NLRP11: variants seen among roughly 807,000 people sequenced by gnomAD.
The protein encoded by NLRP11 is NACHT, LRR and PYD domains-containing protein 11.
In NLRP11, 53 loss-of-function variants were observed where a neutral mutation model predicts 79.3. The ratio of observed to expected loss-of-function variants is 0.67; its 90% CI spans 0.54 to 0.84. NLRP11 has a LOEUF of 0.84. Ranked by LOEUF, NLRP11 falls within the 40% of genes least tolerant of loss-of-function variation. NLRP11 has a pLI of 0.00. For synonymous variants in NLRP11, 518 were observed against 462.6 expected (o/e 1.12, Z -1.54); for missense variants, 1,264 against 1,255.0 (o/e 1.01, Z -0.11).
At chr19:55,830,097 G>A (rs1982602956) in intron 1 of NLRP11, among the ~76,000 whole-genome samples, 1 of 152,130 alleles carries the variant, frequency 6.6e-6, no homozygotes, top group African/African-American at 2.4e-5. Flanking sequence ...GCTCAAACCT[G>A]TATTGTTCAA....
intron 1 of NLRP11, among the ~76,000 whole-genome samples, chr19:55,827,111 C>T (rs1982310719): frequency 7.1e-6 from 1 of 141,020 alleles, no homozygotes; most frequent in Non-Finnish European, 1.5e-5. Context: ...AATAATGCCG[C>T]ATACCTACAA....
intron 2 of NLRP11, among the ~76,000 whole-genome samples, chr19:55,810,560 G>T (rs556005180): frequency 6.6e-6 from 1 of 152,262 alleles, no homozygotes; most frequent in South Asian, 2.1e-4. Flanking sequence ...GCAGTGGCAC[G>T]AACTGGGCTC....
chr19:55,805,208 G>A (rs1269800386), intron 4 of NLRP11, among the ~76,000 whole-genome samples: 2 of 152,166 alleles, frequency 1.3e-5, no homozygotes, highest in Non-Finnish European at 2.9e-5. Context: ...CAGGGCAACA[G>A]CTTTGGTCAT....
At chr19:55,799,437 T>G (rs1979258385) in intron 5 of NLRP11, among the ~76,000 whole-genome samples, 1 of 151,852 alleles carries the variant, frequency 6.6e-6, no homozygotes, top group Non-Finnish European at 1.5e-5. Context: ...CTTGGAAATA[T>G]CCCAAAGATA....
At chr19:55,834,362 C>T (rs1983054852), upstream of NLRP11, among the ~76,000 whole-genome samples, 2 of 152,112 alleles carry the variant, frequency 1.3e-5, no homozygotes, top group Non-Finnish European at 2.9e-5. Flanking sequence ...ACAAAAGAGG[C>T]AACAAATGGC....
At chr19:55,836,406 G>A (rs2122977282), upstream of NLRP11, 1 of 152,182 alleles carries the variant, frequency 6.6e-6, no homozygotes, top group African/African-American at 2.4e-5. Context: ...CTCAAGGGGC[G>A]GTGGGCGTTT....
intron 4 of NLRP11, among the ~76,000 whole-genome samples, chr19:55,804,115 T>A (rs1379411373): frequency 1.3e-5 from 2 of 152,142 alleles, no homozygotes; most frequent in African/African-American, 4.8e-5. Context: ...TATATGTGTG[T>A]GTGTGTATAA....
At chr19:55,787,952 C>T (rs1199172951) in intron 9 of NLRP11, among the ~76,000 whole-genome samples, 1 of 152,168 alleles carries the variant, frequency 6.6e-6, no homozygotes, top group African/African-American at 2.4e-5. Flanking sequence ...AGATTTGACC[C>T]TAGCCCTGGA....
intron 1 of NLRP11, among the ~76,000 whole-genome samples, chr19:55,828,765 A>G (rs1265000193): frequency 2.6e-5 from 4 of 152,232 alleles, no homozygotes; most frequent in Non-Finnish European, 1.5e-5. Flanking sequence ...ATTAAGAAAT[A>G]TTTAATCATG....
At chr19:55,792,114 C>G (rs1233676638) in intron 7 of NLRP11, among the ~76,000 whole-genome samples, 187 bp downstream of exon 7, 1 of 152,202 alleles carries the variant, frequency 6.6e-6, no homozygotes, top group Admixed American at 6.5e-5. Flanking sequence ...TCTGCTCCTT[C>G]TGAGCTAAAA....
In NLRP11 at chr19:55,817,978, C is replaced by CATAT; in HGVS notation, c.193_196dup (p.Trp66TyrfsTer14). On this transcript the variant is annotated frameshift_variant, in exon 2 of 10. Coordinates refer to ENST00000589093, the Ensembl canonical transcript of NLRP11. LOFTEE classifies it high-confidence loss of function. ...TGAAAATATGCTGAAGAGCATATTC[C>CATAT]ATATATACTGTCCCTCATAAGAGAT... 1 of 1,610,528 alleles carries CATAT rather than the reference C, an allele frequency of 6.2e-7. No individual in the cohort carries two copies. Among genetic ancestry groups the CATAT allele is most frequent in the East Asian group, 2.2e-5 (1 of 44,874 alleles).
rs561388504 is a variant in NLRP11 at position 55,813,185 on chromosome 19, C to G, written c.272-2847G>C. 2.0e-5 allele frequency among the ~76,000 whole-genome samples: 3 copies of G among 151,848 alleles called. No individual in the cohort carries two copies. In the East Asian group the frequency reaches 5.8e-4, roughly 29 times the overall value. On this transcript the variant is annotated intron_variant, in intron 2 of 9. Coordinates refer to ENST00000589093, the Ensembl canonical transcript of NLRP11. ...TCTACTAAAAATACAAAAATTAGCCCGGCATGGTGGCAGGCGCCTGTAATC... is the reference window on the plus strand; with the variant it reads ...TCTACTAAAAATACAAAAATTAGCCGGGCATGGTGGCAGGCGCCTGTAATC...
At chr19:55,813,200 C>T (rs538303820) in intron 2 of NLRP11, among the ~76,000 whole-genome samples, 34 of 151,998 alleles carry the variant, frequency 2.2e-4, no homozygotes, top group Non-Finnish European at 4.6e-4. Flanking sequence ...TGGTGGCAGG[C>T]GCCTGTAATC....
chr19:55,803,735 C>A (rs1038870019), intron 4 of NLRP11, among the ~76,000 whole-genome samples: 1 of 152,148 alleles, frequency 6.6e-6, no homozygotes, highest in Non-Finnish European at 1.5e-5. Context: ...AAAAGCAAAT[C>A]AAAACCACGA....
intron 1 of NLRP11, among the ~76,000 whole-genome samples, chr19:55,823,925 A>G (rs1405135577): frequency 1.4e-5 from 2 of 140,006 alleles, no homozygotes; most frequent in Non-Finnish European, 3.0e-5. Context: ...CCACAAAGAT[A>G]CTCCTCGAGA....
intron 2 of NLRP11, among the ~76,000 whole-genome samples, chr19:55,814,012 G>A (rs2122848044): frequency 6.6e-6 from 1 of 152,276 alleles, no homozygotes; most frequent in South Asian, 2.1e-4. Flanking sequence ...TCTGTGGCCT[G>A]TTAGGGACTG....
chr19:55,809,314 G>A lies in NLRP11; in HGVS notation c.1296C>T (p.Ala432=), dbSNP rs1024904608. 9 of 1,613,720 alleles carry A rather than the reference G, an allele frequency of 5.6e-6. No individual in the cohort carries two copies. The highest frequency in any genetic ancestry group is 2.7e-5 in the African/African-American group (2 of 74,860). ...TGTTGCTCGGCAAAAGAATATTCGC[G>A]GCCTGCAACACAGAGACATCAGCCT... The change falls in exon 3 of 10, where the codon GCC becomes GCT. Residue 432 remains alanine (A), a synonymous_variant. Transcript: ENST00000589093. The surrounding 1 kb of genome is among the most constrained non-coding windows in gnomAD (Gnocchi z 4.5).
At chr19:55,794,741 T>C (rs1340536471) in intron 6 of NLRP11, among the ~76,000 whole-genome samples, 1 of 150,492 alleles carries the variant, frequency 6.6e-6, no homozygotes, top group African/African-American at 2.5e-5. Context: ...GCCTGGGCAA[T>C]ACAGCGAGAC....
rs1253361743 is a variant in NLRP11, at chr19:55,808,058, C to A, written c.1842-44G>T. ...GAGTTTTCCAATGGAATCGATTCAA[C>A]TCCAGCAATTTGTAAAACATGTAAA... On this transcript the variant is annotated intron_variant, in intron 3 of 9. Transcript: ENST00000589093. 1.1e-5 allele frequency: 15 copies of A among 1,352,370 alleles called. No individual in the cohort carries two copies. In the East Asian group the frequency reaches 3.5e-4, roughly 31 times the overall value. The allele number at this position is 1,352,370 out of a possible 1,614,324, so 83.8% of individuals were successfully genotyped here.
Sources: gnomAD v4.1 joint callset for allele counts (sites outside exome capture counted in the v4.1 genomes callset) on GRCh38, gnomAD v4.1.1 for gene constraint, Gnocchi (gnomAD v3.1) non-coding constraint, MANE v1.5 for transcripts, NCBI Gene and HGNC (gene_info 2026-07-23, HGNC 2026-07-21) for gene names.